The following GUCY1A2 variants were observed in gnomAD, a reference collection of about 807,000 sequenced individuals.
GUCY1A2 encodes the protein guanylate cyclase soluble subunit alpha-2.
In GUCY1A2, 27 loss-of-function variants were observed where a neutral mutation model predicts 63.5. The observed-to-expected ratio is 0.43, with a 90% CI of 0.31 to 0.59. The LOEUF is 0.59. Among genes scored for constraint, GUCY1A2 ranks in the 20% least tolerant of loss-of-function variants. The probability of loss-of-function intolerance (pLI) is 0.11; values close to 1 mark genes in which losing one functional copy is unlikely to be tolerated. For synonymous variants in GUCY1A2, 364 were observed against 343.5 expected, an observed-to-expected ratio of 1.06 and a Z score of -0.66; for missense variants, 768 against 913.3, an observed-to-expected ratio of 0.84 and a Z score of 2.05.
intron 4 of GUCY1A2, among the ~76,000 whole-genome samples, chr11:106,909,625 C>A (rs1860265101): frequency 1.3e-5 from 2 of 151,804 alleles, no homozygotes; most frequent in South Asian, 4.2e-4. Flanking sequence ...TCTTTCAGGG[C>A]TGTCGTTATT....
At chr11:106,998,031 A>G (rs1298741209) in intron 1 of GUCY1A2, among the ~76,000 whole-genome samples, 3 of 152,160 alleles carry the variant, frequency 2.0e-5, no homozygotes, top group Non-Finnish European at 4.4e-5. Flanking sequence ...TAAAAAAAAC[A>G]GTATAGTTGG....
chr11:106,871,296 G>A (rs953506414), intron 4 of GUCY1A2, among the ~76,000 whole-genome samples: 1 of 152,094 alleles, frequency 6.6e-6, no homozygotes, highest in Non-Finnish European at 1.5e-5. Flanking sequence ...CGACATTAGC[G>A]TTATGTCAAG....
chr11:106,984,111 G>A (rs1348115251), intron 2 of GUCY1A2, among the ~76,000 whole-genome samples: 1 of 152,176 alleles, frequency 6.6e-6, no homozygotes, highest in Non-Finnish European at 1.5e-5. Flanking sequence ...AGTCAAGAAA[G>A]GCAAACGTGA....
chr11:106,999,362 G>A (rs904984920), intron 1 of GUCY1A2, among the ~76,000 whole-genome samples: 3 of 152,082 alleles, frequency 2.0e-5, no homozygotes, highest in African/African-American at 7.2e-5. Context: ...AAAATACCAA[G>A]GCAGAAACTG....
intron 4 of GUCY1A2, among the ~76,000 whole-genome samples, chr11:106,872,459 T>C (rs973801532): frequency 7.2e-5 from 11 of 152,152 alleles, no homozygotes; most frequent in African/African-American, 2.7e-4. Flanking sequence ...ATGAAGAGCA[T>C]GATAAATAGT....
At chr11:106,883,480 G>C (rs753657377) in intron 4 of GUCY1A2, among the ~76,000 whole-genome samples, 4 of 152,044 alleles carry the variant, frequency 2.6e-5, no homozygotes, top group African/African-American at 9.7e-5. Flanking sequence ...AAGCAAAATG[G>C]TTTCCGTCCC....
intron 4 of GUCY1A2, among the ~76,000 whole-genome samples, chr11:106,914,723 GAAA>G (rs1439422077): frequency 6.6e-6 from 1 of 151,722 alleles, no homozygotes; most frequent in Non-Finnish European, 1.5e-5. Context: ...TTTAAAAATT[GAAA>G]ATATGAGAAG....
intron 5 of GUCY1A2, among the ~76,000 whole-genome samples, chr11:106,790,958 G>T (rs1864648949): frequency 6.6e-6 from 1 of 152,150 alleles, no homozygotes; most frequent in Non-Finnish European, 1.5e-5. Flanking sequence ...TTGAGGGAGG[G>T]GTGCTGCAAG....
chr11:106,754,030 T>C (rs1315233198), intron 6 of GUCY1A2, among the ~76,000 whole-genome samples: 2 of 152,222 alleles, frequency 1.3e-5, no homozygotes, highest in East Asian at 1.9e-4. Context: ...TTTTATTTCA[T>C]TGAACAGTGG....
In GUCY1A2 at chr11:106,818,873, G is replaced by A. The variant is rs539133603; in HGVS notation, c.1207-8395C>T. 4.6e-5 allele frequency among the ~76,000 whole-genome samples: 7 copies of A among 152,302 alleles called. No individual in the cohort carries two copies. The South Asian group carries it at 1.4e-3, about 32-fold the overall frequency. ...TTCTGTTTAGCCAAAGCCTAATCCA[G>A]AGAAAGGCGGCCTTAGATCTCTAAT... On this transcript the variant is annotated intron_variant, in intron 4 of 7. Transcript: ENST00000526355.
intron 4 of GUCY1A2, among the ~76,000 whole-genome samples, chr11:106,907,305 T>C (rs111417624): frequency 3.4e-4 from 52 of 152,198 alleles, no homozygotes; most frequent in African/African-American, 1.3e-3. Flanking sequence ...ATACATTCAT[T>C]GTATTAGGAG....
intron 4 of GUCY1A2, among the ~76,000 whole-genome samples, chr11:106,921,510 T>G (rs908333615): frequency 1.3e-5 from 2 of 152,174 alleles, no homozygotes; most frequent in African/African-American, 4.8e-5. Flanking sequence ...TTTAGAACTC[T>G]TCCTTGACCC....
At chr11:106,739,965 G>A (rs192329735) in intron 6 of GUCY1A2, among the ~76,000 whole-genome samples, 1 of 149,438 alleles carries the variant, frequency 6.7e-6, no homozygotes, top group Non-Finnish European at 1.5e-5. Context: ...TCTGCCGTAA[G>A]TACCACTACC....
chr11:106,965,143 T>C (rs1181104200), intron 3 of GUCY1A2, among the ~76,000 whole-genome samples: 1 of 152,070 alleles, frequency 6.6e-6, no homozygotes, highest in African/African-American at 2.4e-5. Flanking sequence ...CCACTTATTT[T>C]TGGAAACAGA....
Position 106,826,865 on chromosome 11 carries a change from C to T in GUCY1A2, c.1207-16387G>A, listed in dbSNP as rs925895491. 19 of 1,605,404 alleles carry T rather than the reference C, an allele frequency of 1.2e-5. No individual in the cohort carries two copies. The African/African-American group carries it at 2.3e-4, about 19-fold the overall frequency. ...TCAGGAAGGGATGTGTGCATATGAT[C>T]ATCCACTTTCAGGCCACCATCTTCT... is the stretch of plus-strand genomic sequence containing the variant. On this transcript the variant is annotated intron_variant, in intron 4 of 7. Coordinates refer to ENST00000526355, the MANE Select transcript of GUCY1A2 (RefSeq NM_000855.3).
chr11:107,013,369 G>A (rs1399245587), intron 1 of GUCY1A2, among the ~76,000 whole-genome samples: 2 of 152,254 alleles, frequency 1.3e-5, no homozygotes, highest in South Asian at 4.1e-4. Flanking sequence ...CAGTGATAGG[G>A]TAACTAAGCA....
intron 6 of GUCY1A2, among the ~76,000 whole-genome samples, chr11:106,766,550 T>TA (rs1031773075): frequency 7.0e-6 from 1 of 143,138 alleles, no homozygotes; most frequent in Non-Finnish European, 1.6e-5. Flanking sequence ...CAGAGATCTT[T>TA]TTTTTGTAAT....
At chr11:107,006,081 T>G (rs1861667524) in intron 1 of GUCY1A2, among the ~76,000 whole-genome samples, 1 of 152,212 alleles carries the variant, frequency 6.6e-6, no homozygotes, top group South Asian at 2.1e-4. Flanking sequence ...GTAAACCTCA[T>G]TTTATACAGA....
chr11:106,770,402 C>CGGA (rs1864236135), intron 6 of GUCY1A2, among the ~76,000 whole-genome samples: 1 of 152,074 alleles, frequency 6.6e-6, no homozygotes, highest in Non-Finnish European at 1.5e-5. Flanking sequence ...TTGGCTGAAT[C>CGGA]GGAGGATGCA....
Sources: allele counts gnomAD v4.1 joint callset (sites outside exome capture counted in the v4.1 genomes callset), GRCh38; gene constraint gnomAD v4.1.1; transcripts MANE v1.5; gene names NCBI Gene and HGNC (gene_info 2026-07-23, HGNC 2026-07-21).